Variants in C9orf153 observed in about 807,000 individuals in gnomAD.
C9orf153 encodes the protein chromosome 9 open reading frame 153.
A neutral mutation model predicts 9.0 loss-of-function variants in C9orf153; 10 were observed. The ratio of observed to expected loss-of-function variants is 1.11; its 90% CI spans 0.69 to 1.89. The LOEUF (loss-of-function observed/expected upper bound fraction) is 1.89. C9orf153 is among the 40% of genes most tolerant of loss of function. The pLI is 0.00. For synonymous variants in C9orf153, 35 were observed against 37.3 expected, an observed-to-expected ratio of 0.94 and a Z score of 0.23; for missense variants, 108 against 111.0, an observed-to-expected ratio of 0.97 and a Z score of 0.12.
chr9:86,258,159 C>T (rs1482704830), intron 1 of C9orf153, among the ~76,000 whole-genome samples: 3 of 151,928 alleles, frequency 2.0e-5, no homozygotes, highest in Non-Finnish European at 2.9e-5. Context: ...CTGGCTAACA[C>T]GGTGAAACCC....
chr9:86,234,338 T>C (rs1399896941), intron 1 of C9orf153, among the ~76,000 whole-genome samples: 1 of 152,208 alleles, frequency 6.6e-6, no homozygotes, highest in East Asian at 1.9e-4. Flanking sequence ...GTTGAATAGC[T>C]ATTGTGTCAT....
In C9orf153 at chr9:86,243,307, T is replaced by C. The variant is rs185054804; in HGVS notation, c.-26-13678A>G. The stretch of plus-strand genomic sequence containing the variant: ...GGGGATTTTCTCTCTCCTTCCTGAA[T>C]TCAACATGATGATAGAGAATAAATT... On this transcript the variant is annotated intron_variant, in intron 1 of 3. Coordinates refer to ENST00000339137, the MANE Select transcript of C9orf153 (RefSeq NM_001276366.4). 4.7e-4 allele frequency among the ~76,000 whole-genome samples: 72 copies of C among 152,268 alleles called. 1 individual carries two copies. The highest frequency in any genetic ancestry group is 4.6e-3 in the Admixed American group (70 of 15,282).
At chr9:86,243,397 G>T (rs1824790878) in intron 1 of C9orf153, among the ~76,000 whole-genome samples, 1 of 151,602 alleles carries the variant, frequency 6.6e-6, no homozygotes, top group South Asian at 2.1e-4. Flanking sequence ...AAATATATTT[G>T]GTCTCTGTCC....
Position 86,220,631 on chromosome 9 carries a change from T to C in C9orf153, c.*1057A>G, listed in dbSNP as rs1824176624. On this transcript the variant is annotated 3_prime_UTR_variant, in exon 4 of 4. Coordinates refer to ENST00000339137, the MANE Select transcript of C9orf153 (RefSeq NM_001276366.4). ...CTCTCTTTCGTAGATTATATTTTCC[T>C]TTACTGCTTAGTGGTCCATAGTTTT... 4 of 152,210 alleles carry C rather than the reference T, an allele frequency of 2.6e-5. No homozygotes were observed. The South Asian group carries it at 8.3e-4, about 32-fold the overall frequency. The allele number at this position is 152,210 out of a possible 1,614,324, so 9.4% of individuals were successfully genotyped here.
chr9:86,253,837 A>G (rs1472046932), intron 1 of C9orf153, among the ~76,000 whole-genome samples: 2 of 152,146 alleles, frequency 1.3e-5, no homozygotes, highest in Non-Finnish European at 2.9e-5. Context: ...CATGCCTGTA[A>G]TCCCAGCCCT....
At chr9:86,232,533 A>C (rs986587236) in intron 1 of C9orf153, among the ~76,000 whole-genome samples, 5 of 151,742 alleles carry the variant, frequency 3.3e-5, no homozygotes, top group Non-Finnish European at 7.4e-5. Context: ...TCCTACAGTA[A>C]ATTTTCCTTG....
chr9:86,231,560 C>A (rs1342758419), intron 1 of C9orf153, among the ~76,000 whole-genome samples: 1 of 148,114 alleles, frequency 6.8e-6, no homozygotes, highest in Non-Finnish European at 1.5e-5. Flanking sequence ...TGGATACACA[C>A]ACACACAAAA....
At chr9:86,250,754 A>G (rs193199647) in intron 1 of C9orf153, among the ~76,000 whole-genome samples, 1 of 152,316 alleles carries the variant, frequency 6.6e-6, no homozygotes, top group East Asian at 1.9e-4. Context: ...GTTTATTAGA[A>G]TGCTACTGTG....
Position 86,221,664 on chromosome 9 carries a change from G to C in C9orf153, c.*24C>G. 1 of 1,547,224 alleles carries C rather than the reference G, an allele frequency of 6.5e-7. No homozygotes were observed. Among genetic ancestry groups the C allele is most frequent in the Non-Finnish European group, 8.7e-7 (1 of 1,145,552 alleles). On this transcript the variant is annotated 3_prime_UTR_variant, in exon 4 of 4. Transcript: ENST00000339137. ...TATGTCTCCGAATGAAATTGCAGTA[G>C]TGCGCCTCCACTTCGCAAGCCCCTT...
At chr9:86,229,435 T>A in intron 2 of C9orf153, 103 bp downstream of exon 2, 1 of 756,780 alleles carries the variant, frequency 1.3e-6, no homozygotes, top group Non-Finnish European at 2.2e-6. Flanking sequence ...GAGTTTCCCA[T>A]GGCTCCCAAG....
At chr9:86,251,332 C>T (rs940145070) in intron 1 of C9orf153, among the ~76,000 whole-genome samples, 4 of 151,980 alleles carry the variant, frequency 2.6e-5, no homozygotes, top group South Asian at 2.1e-4. Flanking sequence ...GAAAAACTTT[C>T]GTTAGAGTCT....
chr9:86,227,074 T>C (rs1041131932), intron 3 of C9orf153, among the ~76,000 whole-genome samples: 1 of 152,164 alleles, frequency 6.6e-6, no homozygotes. Context: ...CCCAACAATA[T>C]ATCTTTTTAA....
intron 1 of C9orf153, among the ~76,000 whole-genome samples, chr9:86,238,076 C>T (rs1038442492): frequency 2.6e-5 from 4 of 152,072 alleles, no homozygotes; most frequent in African/African-American, 9.7e-5. Context: ...CAGAGAGAGA[C>T]TTTGACGAAA....
At chr9:86,249,518 C>T (rs543291400) in intron 1 of C9orf153, among the ~76,000 whole-genome samples, 2 of 151,200 alleles carry the variant, frequency 1.3e-5, no homozygotes, top group African/African-American at 4.9e-5. Context: ...TATTGTCAAA[C>T]GGTAGAGGCC....
At chr9:86,255,667 T>C (rs1275206181) in intron 1 of C9orf153, among the ~76,000 whole-genome samples, 1 of 152,232 alleles carries the variant, frequency 6.6e-6, no homozygotes, top group Non-Finnish European at 1.5e-5. Flanking sequence ...ATTCTCTTCG[T>C]AACCTCAAGA....
chr9:86,231,265 C>T (rs1474824985), intron 1 of C9orf153, among the ~76,000 whole-genome samples: 4 of 152,152 alleles, frequency 2.6e-5, no homozygotes, highest in African/African-American at 9.7e-5. Context: ...TGTTTCAAAC[C>T]ACTAAGCTTT....
At chr9:86,257,576 A>G (rs186782244) in intron 1 of C9orf153, among the ~76,000 whole-genome samples, 1 of 152,054 alleles carries the variant, frequency 6.6e-6, no homozygotes, top group East Asian at 1.9e-4. Flanking sequence ...TTGATCCCTT[A>G]CCCTTGAGTC....
intron 1 of C9orf153, among the ~76,000 whole-genome samples, chr9:86,235,137 A>G (rs937755332): frequency 2.6e-5 from 4 of 152,196 alleles, no homozygotes; most frequent in Non-Finnish European, 5.9e-5. Flanking sequence ...AGGCAAAAAA[A>G]CAGAGTTTGA....
In C9orf153 at chr9:86,223,293, C is replaced by G. The variant is rs370295961; in HGVS notation, c.243-1560G>C. On this transcript the variant is annotated intron_variant, in intron 3 of 3. Transcript: ENST00000339137. ...GACCAGCCTGGCCAACAGGGAGAAA[C>G]CTGGTCCTACCAAAAATACAAAAAA... Among the ~76,000 whole-genome samples the G allele has an allele frequency of 1.8e-4, 27 of 152,224 alleles. No individual in the cohort carries two copies. The South Asian group carries it at 5.6e-3, about 32-fold the overall frequency.
Sources: allele counts gnomAD v4.1 joint callset (sites outside exome capture counted in the v4.1 genomes callset), GRCh38; gene constraint gnomAD v4.1.1; transcripts MANE v1.5; gene names NCBI Gene and HGNC (gene_info 2026-07-23, HGNC 2026-07-21).